The following C1QTNF3 variants were observed in gnomAD, a reference collection of about 807,000 sequenced individuals.
C1QTNF3 encodes C1q and TNF related 3, also known as complement C1q tumor necrosis factor-related protein 3.
Under a neutral mutation model 32.6 loss-of-function variants are expected in C1QTNF3, and 26 were observed. The ratio of observed to expected loss-of-function variants is 0.80; its 90% CI spans 0.58 to 1.11. The LOEUF (loss-of-function observed/expected upper bound fraction) is 1.11, where lower values mean the gene tolerates loss of function less well. C1QTNF3 is among the 50% of genes least tolerant of loss of function. The pLI, the probability that C1QTNF3 is intolerant of heterozygous loss-of-function variation, is 0.00. For missense variants in C1QTNF3, 362 were observed against 398.2 expected, an observed-to-expected ratio of 0.91 and a Z score of 0.77; for synonymous variants, 155 against 146.0, an observed-to-expected ratio of 1.06 and a Z score of -0.44.
the C1QTNF3 span, among the ~76,000 whole-genome samples, chr5:34,172,777 T>C: frequency 6.6e-6 from 1 of 152,172 alleles, no homozygotes; most frequent in Admixed American, 6.5e-5. Flanking sequence ...TTCAGGTAAA[T>C]ACATGCAAAC....
chr5:34,133,169 C>G, the C1QTNF3 span, among the ~76,000 whole-genome samples: 3 of 152,136 alleles, frequency 2.0e-5, no homozygotes, highest in African/African-American at 7.2e-5. Flanking sequence ...ATATTAGTTA[C>G]GTGTTAAATC....
At chr5:34,065,230 A>T in the C1QTNF3 span, among the ~76,000 whole-genome samples, 1 of 152,222 alleles carries the variant, frequency 6.6e-6, no homozygotes, top group Non-Finnish European at 1.5e-5. Flanking sequence ...AAATGGACAA[A>T]GGACATGAAC....
At position 34,023,923 on chromosome 5, in the gene C1QTNF3, G is replaced by A; in HGVS notation, c.786C>T (p.Val262=). The change falls in exon 5 of 6, where the codon GTC becomes GTT. Residue 262 remains valine, a synonymous_variant. Transcript: ENST00000382065. ...AGACCACCCACCTGTACATGCTGAA[G>A]ACTGTGTTGCCATTGTGCATAAGGT... is the stretch of plus-strand genomic sequence containing the variant. The part of the protein sequence containing the change: ...YVYLMHNGNT[V]FSMYSYEMKG... 1 of 1,613,930 alleles carries A rather than the reference G, an allele frequency of 6.2e-7. No homozygotes were observed. Among genetic ancestry groups the A allele is most frequent in the Non-Finnish European group, 8.5e-7 (1 of 1,179,806 alleles).
chr5:34,232,138 C>T, the C1QTNF3 span, among the ~76,000 whole-genome samples: 1 of 149,242 alleles, frequency 6.7e-6, no homozygotes, highest in Non-Finnish European at 1.5e-5. Context: ...GGGTTTTGGA[C>T]TTGCATGGGG....
At chr5:34,140,520 C>T in the C1QTNF3 span, among the ~76,000 whole-genome samples, 990 of 152,208 alleles carry the variant, frequency 6.5e-3, 5 homozygotes, top group Middle Eastern at 0.02. Flanking sequence ...GATAAATATT[C>T]GTATGAGAAA....
chr5:34,209,142 C>T, the C1QTNF3 span, among the ~76,000 whole-genome samples: 67 of 152,238 alleles, frequency 4.4e-4, no homozygotes, highest in African/African-American at 1.5e-3. Context: ...AGATATTACA[C>T]CTTGATATTC....
chr5:34,206,989 GA>G, the C1QTNF3 span, among the ~76,000 whole-genome samples: 1 of 152,228 alleles, frequency 6.6e-6, no homozygotes, highest in Non-Finnish European at 1.5e-5. Flanking sequence ...AGAGTGTCCA[GA>G]AGCCACATAG....
the C1QTNF3 span, among the ~76,000 whole-genome samples, chr5:34,198,115 TCTCAGCTA>T: frequency 1.5e-5 from 2 of 132,682 alleles, no homozygotes; most frequent in Non-Finnish European, 3.1e-5. Flanking sequence ...ATACCTGTAG[TCTCAGCTA>T]CTCAGCTACT....
the C1QTNF3 span, among the ~76,000 whole-genome samples, chr5:34,136,935 G>A: frequency 6.6e-6 from 1 of 151,872 alleles, no homozygotes; most frequent in Non-Finnish European, 1.5e-5. Flanking sequence ...CTCATAGGTG[G>A]GAATTGAACA....
At chr5:34,053,519 T>G in the C1QTNF3 span, among the ~76,000 whole-genome samples, 3 of 152,234 alleles carry the variant, frequency 2.0e-5, no homozygotes, top group Non-Finnish European at 4.4e-5. Context: ...CAAATGCTCA[T>G]GCTCCATAAC....
chr5:34,095,810 C>T, the C1QTNF3 span, among the ~76,000 whole-genome samples: 1 of 151,726 alleles, frequency 6.6e-6, no homozygotes, highest in African/African-American at 2.4e-5. Flanking sequence ...ACACAGAGAA[C>T]AAAGAAAATT....
chr5:34,139,649 C>T, the C1QTNF3 span, among the ~76,000 whole-genome samples: 1 of 152,008 alleles, frequency 6.6e-6, no homozygotes, highest in African/African-American at 2.4e-5. Flanking sequence ...AACTTAACAT[C>T]GCTTCAGAAA....
chr5:34,025,470 T>C (rs1754437506), intron 4 of C1QTNF3, among the ~76,000 whole-genome samples: 1 of 152,248 alleles, frequency 6.6e-6, no homozygotes, highest in Admixed American at 6.5e-5. Flanking sequence ...GTATGTATTA[T>C]ACCCACATGT....
chr5:34,176,943 A>C, the C1QTNF3 span, among the ~76,000 whole-genome samples: 2 of 152,168 alleles, frequency 1.3e-5, no homozygotes, highest in African/African-American at 2.4e-5. Context: ...CTGTAATCCC[A>C]GCACTTTGGG....
the C1QTNF3 span, among the ~76,000 whole-genome samples, chr5:34,177,607 C>T: frequency 3.3e-5 from 5 of 151,560 alleles, no homozygotes; most frequent in Non-Finnish European, 5.9e-5. Flanking sequence ...CTGCTTTAGC[C>T]TCCTGAGTAG....
At chr5:34,215,153 G>C in the C1QTNF3 span, among the ~76,000 whole-genome samples, 6 of 152,226 alleles carry the variant, frequency 3.9e-5, no homozygotes, top group African/African-American at 1.4e-4. Flanking sequence ...AGAATATTTT[G>C]GTGCAGGTAG....
At chr5:34,212,161 C>T in the C1QTNF3 span, among the ~76,000 whole-genome samples, 2 of 151,596 alleles carry the variant, frequency 1.3e-5, no homozygotes, top group East Asian at 3.9e-4. Flanking sequence ...GGAAAGGATT[C>T]CCTATTTAAT....
At chr5:34,035,792 A>G (rs770831636) in intron 1 of C1QTNF3, 34 bp from the exon 2 acceptor site, 2 of 1,536,470 alleles carry the variant, frequency 1.3e-6, no homozygotes, top group Non-Finnish European at 8.9e-7. Flanking sequence ...TCAGAAAAAA[A>G]GGTACTTGTG....
the C1QTNF3 span, chr5:34,218,487 CA>C: frequency 6.6e-6 from 1 of 151,600 alleles, no homozygotes; most frequent in Non-Finnish European, 1.5e-5. Flanking sequence ...AAGAAACGCA[CA>C]AAAGTTTGTG....
Sources: gnomAD v4.1 joint callset for allele counts (sites outside exome capture counted in the v4.1 genomes callset) on GRCh38, gnomAD v4.1.1 for gene constraint, MANE v1.5 for transcripts, NCBI Gene and HGNC (gene_info 2026-07-23, HGNC 2026-07-21) for gene names.